The following SNX29 variants were observed in gnomAD, a reference collection of about 807,000 sequenced individuals.
SNX29 encodes the protein sorting nexin-29.
A neutral mutation model predicts 102.1 loss-of-function variants in SNX29; 78 were observed. The ratio of observed to expected loss-of-function variants is 0.76; its 90% CI spans 0.64 to 0.92. SNX29 has a LOEUF of 0.92. Ranked by LOEUF, SNX29 falls within the 40% of genes least tolerant of loss-of-function variation. SNX29 has a pLI of 0.00. For synonymous variants in SNX29, 580 were observed against 414.5 expected (o/e 1.40, Z -4.85); for missense variants, 1,280 against 1,061.7 (o/e 1.21, Z -2.86).
At chr16:12,322,429 T>C (rs1443125009) in intron 15 of SNX29, among the ~76,000 whole-genome samples, 1 of 152,210 alleles carries the variant, frequency 6.6e-6, no homozygotes, top group African/African-American at 2.4e-5. Context: ...AGTCTAGTCC[T>C]GGATTTGAGA....
chr16:12,207,334 A>G (rs1036327411), intron 14 of SNX29, among the ~76,000 whole-genome samples: 20 of 152,102 alleles, frequency 1.3e-4, no homozygotes, highest in Non-Finnish European at 5.9e-5. Context: ...GCACCACTTC[A>G]CTCCGGCCTA....
At chr16:12,519,561 G>A (rs969326796) in intron 19 of SNX29, among the ~76,000 whole-genome samples, 2 of 152,220 alleles carry the variant, frequency 1.3e-5, no homozygotes, top group Admixed American at 1.3e-4. Context: ...GGAGTAAAAT[G>A]TCATGACTAT....
At chr16:12,567,922 T>A (rs985885367) in intron 20 of SNX29, among the ~76,000 whole-genome samples, 5 of 152,120 alleles carry the variant, frequency 3.3e-5, no homozygotes, top group Non-Finnish European at 7.4e-5. Flanking sequence ...CCACACACGC[T>A]GTGTGTTCGC....
chr16:12,456,709 T>A (rs1257393358), intron 18 of SNX29, among the ~76,000 whole-genome samples: 1 of 152,074 alleles, frequency 6.6e-6, no homozygotes, highest in Admixed American at 6.6e-5. Flanking sequence ...TGTATGTATA[T>A]GTATCTGGTG....
At chr16:12,003,702 G>T (rs1010380662) in intron 3 of SNX29, among the ~76,000 whole-genome samples, 4 of 152,116 alleles carry the variant, frequency 2.6e-5, no homozygotes, top group African/African-American at 9.7e-5. Flanking sequence ...TTCCTTTTAT[G>T]ACAAAAATAA....
intron 1 of SNX29, among the ~76,000 whole-genome samples, chr16:11,982,554 C>G (rs868721154): frequency 6.6e-6 from 1 of 151,464 alleles, no homozygotes; most frequent in East Asian, 2.0e-4. Context: ...CTCAGCCTCC[C>G]GAGTAGCTGG....
At chr16:12,135,147 C>T (rs1340447109) in intron 13 of SNX29, among the ~76,000 whole-genome samples, 1 of 152,216 alleles carries the variant, frequency 6.6e-6, no homozygotes, top group East Asian at 1.9e-4. Context: ...GATGCTTGCC[C>T]ACATTGGTGA....
At chr16:12,295,837 A>C (rs543405323) in intron 15 of SNX29, among the ~76,000 whole-genome samples, 7 of 150,802 alleles carry the variant, frequency 4.6e-5, no homozygotes, top group Non-Finnish European at 1.0e-4. Flanking sequence ...TAGAGAAGGG[A>C]GATGAGTCTT....
intron 19 of SNX29, among the ~76,000 whole-genome samples, chr16:12,500,800 G>A (rs1310313408): frequency 6.6e-6 from 1 of 152,224 alleles, no homozygotes; most frequent in Admixed American, 6.5e-5. Flanking sequence ...ACACAAGCAA[G>A]TTTGAGAAGC....
intron 15 of SNX29, among the ~76,000 whole-genome samples, chr16:12,347,094 C>G (rs940671000): frequency 2.6e-5 from 4 of 152,302 alleles, no homozygotes; most frequent in African/African-American, 9.6e-5. Flanking sequence ...CTCTTGCTAT[C>G]TCAGTGTTCT....
At chr16:12,293,936 A>G (rs1404136219) in intron 15 of SNX29, among the ~76,000 whole-genome samples, 1 of 152,182 alleles carries the variant, frequency 6.6e-6, no homozygotes, top group Non-Finnish European at 1.5e-5. Flanking sequence ...GTGTGGCGGT[A>G]TTACTCTCAT....
At chr16:12,564,980 A>C (rs1014185420) in intron 20 of SNX29, among the ~76,000 whole-genome samples, 3 of 146,384 alleles carry the variant, frequency 2.0e-5, no homozygotes, top group African/African-American at 7.5e-5. Context: ...GAGGCGTTTC[A>C]GCTTCCGACT....
intron 17 of SNX29, 57 bp downstream of exon 17, chr16:12,398,558 G>T: frequency 6.3e-7 from 1 of 1,589,588 alleles, no homozygotes; most frequent in Non-Finnish European, 8.6e-7. Context: ...TCTGTTGTTG[G>T]CTTCTGTCCC....
rs527968257 is a variant in SNX29, at chr16:12,571,273, A to C, written c.*2644A>C. ...CCCAGGCCTAGCAGAATTGTGGCTG[A>C]AACCTGGTGCCCAAATTCCACACCC... On this transcript the variant is annotated 3_prime_UTR_variant, in exon 21 of 21. Transcript: ENST00000566228. 4 of 232,142 alleles carry C rather than the reference A, an allele frequency of 1.7e-5. No homozygotes were observed. In the East Asian group the frequency reaches 2.4e-4, roughly 14 times the overall value. 14.4% of individuals were successfully genotyped at this position (232,142 alleles called of 1,614,324 possible). A position where few individuals can be genotyped will look rare whatever the true frequency, so the allele number is the denominator to read the frequency against.
At chr16:12,537,616 ATGAT>A (rs1270860307) in intron 20 of SNX29, among the ~76,000 whole-genome samples, 4 of 152,186 alleles carry the variant, frequency 2.6e-5, no homozygotes, top group East Asian at 1.9e-4. Context: ...CAGTCCCAAA[ATGAT>A]TGAGTTGGCA....
At chr16:12,403,802 T>C (rs753871110) in intron 18 of SNX29, among the ~76,000 whole-genome samples, 3 of 152,132 alleles carry the variant, frequency 2.0e-5, no homozygotes, top group Admixed American at 6.5e-5. Flanking sequence ...GAAACGGAGA[T>C]GTGTGTTTGC....
chr16:12,529,547 A>G (rs2076876385), intron 20 of SNX29, among the ~76,000 whole-genome samples: 1 of 152,198 alleles, frequency 6.6e-6, no homozygotes. Flanking sequence ...TTTGGGAAAT[A>G]CATTATGTTC....
intron 19 of SNX29, among the ~76,000 whole-genome samples, chr16:12,522,314 C>T (rs2090131655): frequency 2.0e-5 from 3 of 149,864 alleles, no homozygotes; most frequent in South Asian, 4.3e-4. Flanking sequence ...TTCGCTCAGT[C>T]TGCCAGCCCT....
rs151166511 is a variant in SNX29 at position 12,002,402 on chromosome 16, C to A, written c.70-589C>A. Among the ~76,000 whole-genome samples, 463 of 147,188 alleles carry A rather than the reference C, an allele frequency of 3.1e-3. 1 individual carries two copies. The highest frequency in any genetic ancestry group is 0.011 in the African/African-American group (443 of 39,484). On this transcript the variant is annotated intron_variant, in intron 2 of 20. Coordinates refer to ENST00000566228, the MANE Select transcript of SNX29 (RefSeq NM_032167.5). ...GGCAGAGGTTGTGGTGAGCTGAGAT[C>A]GATATTACACTCCAGCCTGGGCAAC...
Sources: gnomAD v4.1 joint callset for allele counts (sites outside exome capture counted in the v4.1 genomes callset) on GRCh38, gnomAD v4.1.1 for gene constraint, MANE v1.5 for transcripts, NCBI Gene and HGNC (gene_info 2026-07-23, HGNC 2026-07-21) for gene names.